The following GPATCH1 variants were observed in gnomAD, a reference collection of about 807,000 sequenced individuals.
The protein encoded by GPATCH1 is G-patch domain containing 1, also known as G patch domain-containing protein 1.
GPATCH1 carries 73 observed loss-of-function variants against 114.9 expected under a neutral mutation model. That is an observed-to-expected ratio of 0.64 (90% confidence interval 0.53 to 0.77). The LOEUF (loss-of-function observed/expected upper bound fraction) is 0.77. Ranked by LOEUF, GPATCH1 falls within the 30% of genes least tolerant of loss-of-function variation. GPATCH1 has a pLI of 0.00. For synonymous variants in GPATCH1, 391 were observed against 428.4 expected (o/e 0.91, Z 1.08); for missense variants, 1,058 against 1,144.3 (o/e 0.92, Z 1.09).
intron 7 of GPATCH1, 96 bp downstream of exon 7, chr19:33,096,542 T>C: frequency 1.9e-6 from 2 of 1,044,658 alleles, no homozygotes; most frequent in Admixed American, 3.0e-5. Context: ...TTTCTTTTTT[T>C]TTCCCCCTAA....
Position 33,113,884 on chromosome 19 carries a change from A to C in GPATCH1, c.2010A>C (p.Ser670=), listed in dbSNP as rs778120943. The C allele has an allele frequency of 6.2e-6, 10 of 1,614,126 alleles. No homozygotes were observed. The highest frequency in any genetic ancestry group is 8.5e-6 in the Non-Finnish European group (10 of 1,179,986). The change falls in exon 14 of 20, where the codon TCA becomes TCC. Residue 670 remains serine (S), a synonymous_variant. Coordinates refer to ENST00000170564, the MANE Select transcript of GPATCH1 (RefSeq NM_018025.3). ...CTCAAGCATCAAGTGAAAAAGTATC[A>C]CAGCACCGAGGTCCCGACAGTGAGT... is the stretch of plus-strand genomic sequence containing the variant. The part of the protein sequence containing the change: ...PTTQASSEKV[S]QHRGPDKSRK...
intron 9 of GPATCH1, among the ~76,000 whole-genome samples, chr19:33,105,520 A>G (rs1187396322): frequency 6.6e-6 from 1 of 151,624 alleles, no homozygotes; most frequent in East Asian, 1.9e-4. Flanking sequence ...TACAGTTATT[A>G]TTATTATTAA....
chr19:33,083,900 C>T (rs1483553702), intron 1 of GPATCH1, among the ~76,000 whole-genome samples: 1 of 151,896 alleles, frequency 6.6e-6, no homozygotes, highest in Admixed American at 6.6e-5. Context: ...ACCTCTGCCT[C>T]CCAGGTTCAA....
At chr19:33,081,572 C>G (rs530758033) in intron 1 of GPATCH1, among the ~76,000 whole-genome samples, 8 of 151,912 alleles carry the variant, frequency 5.3e-5, no homozygotes, top group African/African-American at 1.9e-4. Context: ...CGAGAGAGGA[C>G]GTTTGAGCTC....
chr19:33,089,411 T>C (rs951404238), intron 2 of GPATCH1, among the ~76,000 whole-genome samples: 11 of 152,354 alleles, frequency 7.2e-5, no homozygotes, highest in Middle Eastern at 3.4e-3. Context: ...TGTACTTTTA[T>C]AAATGCCAAG....
chr19:33,113,732 G>A (rs751048451), intron 13 of GPATCH1, 35 bp from the exon 14 acceptor site: 53 of 1,604,482 alleles, frequency 3.3e-5, no homozygotes, highest in Non-Finnish European at 4.2e-5. Context: ...TGTCCTACTG[G>A]TTGTTACTAA....
At position 33,106,716 on chromosome 19, in the gene GPATCH1, C is replaced by G; in HGVS notation, c.1102C>G (p.Pro368Ala). Residue 368 changes from proline (P) to alanine (A), a missense_variant, in exon 10 of 20, where the codon CCA becomes GCA. Around this residue, in one of 3 missense-constraint regions of GPATCH1, gnomAD observed 893 missense variants for 977.4 expected, o/e 0.91. Coordinates refer to ENST00000170564, the MANE Select transcript of GPATCH1 (RefSeq NM_018025.3). ...TAAGATCTATCCACCTCCAGAGCTG[C>G]CAAGAGACTATCGACCAGTGCATTA... ...SKKIYPPPEL[P>A]RDYRPVHYFR... 1 of 1,613,710 alleles carries G rather than the reference C, an allele frequency of 6.2e-7. No individual in the cohort carries two copies. The highest frequency in any genetic ancestry group is 8.5e-7 in the Non-Finnish European group (1 of 1,179,850).
In GPATCH1 at chr19:33,114,243, T is replaced by G; in HGVS notation, c.2030-10T>G. The G allele has an allele frequency of 1.2e-6, 2 of 1,604,788 alleles. No individual in the cohort carries two copies. The highest frequency in any genetic ancestry group is 1.7e-6 in the Non-Finnish European group (2 of 1,175,166). ...AATGCTGGAGTTTATATCTATGTCC[T>G]GCCTTTCAGAATCAAGAAAACCATC... On this transcript the variant is annotated splice_polypyrimidine_tract_variant and intron_variant, in intron 14 of 19. Coordinates refer to ENST00000170564, the MANE Select transcript of GPATCH1 (RefSeq NM_018025.3).
At chr19:33,088,338 C>T in intron 2 of GPATCH1, 70 bp downstream of exon 2, 1 of 1,173,676 alleles carries the variant, frequency 8.5e-7, no homozygotes, top group Non-Finnish European at 1.2e-6. Context: ...CTCCCTCACC[C>T]TTGCTTTTTT....
intron 19 of GPATCH1, among the ~76,000 whole-genome samples, chr19:33,129,194 C>T (rs1489906298): frequency 2.0e-5 from 3 of 151,750 alleles, no homozygotes; most frequent in African/African-American, 7.3e-5. Context: ...TTGCAGTGAA[C>T]CGAGATCGCG....
At chr19:33,109,688 C>T (rs1295701061) in intron 10 of GPATCH1, 29 bp from the exon 11 acceptor site, 1 of 1,436,954 alleles carries the variant, frequency 7.0e-7, no homozygotes, top group Non-Finnish European at 9.4e-7. Flanking sequence ...TGGCTCTTTT[C>T]ATCTCTTCTA....
chr19:33,117,449 C>A (rs745697197), intron 15 of GPATCH1, among the ~76,000 whole-genome samples: 8 of 152,102 alleles, frequency 5.3e-5, no homozygotes, highest in Non-Finnish European at 1.0e-4. Flanking sequence ...ACGCCCACCA[C>A]CATGCCCAGC....
chr19:33,113,981 A>G, intron 14 of GPATCH1, 78 bp downstream of exon 14: 1 of 1,306,270 alleles, frequency 7.7e-7, no homozygotes. Context: ...ATTAAAGGGT[A>G]GTTTAGTCCT....
intron 17 of GPATCH1, among the ~76,000 whole-genome samples, chr19:33,121,044 TA>T (rs1258511522): frequency 1.3e-5 from 2 of 151,370 alleles, no homozygotes; most frequent in East Asian, 3.9e-4. Context: ...AAAGAGAAAT[TA>T]AAAAAATAGT....
chr19:33,129,268 A>G (rs2145346093), intron 19 of GPATCH1, among the ~76,000 whole-genome samples: 1 of 151,884 alleles, frequency 6.6e-6, no homozygotes, highest in South Asian at 2.1e-4. Flanking sequence ...AAAGAAATTC[A>G]GATTTAAGAC....
intron 1 of GPATCH1, among the ~76,000 whole-genome samples, chr19:33,082,295 G>A (rs1005326703): frequency 4.6e-5 from 7 of 152,182 alleles, no homozygotes. Context: ...TATGTATTGA[G>A]TGTCCAGTAA....
chr19:33,093,591 G>A, intron 4 of GPATCH1, 72 bp downstream of exon 4: 1 of 1,368,140 alleles, frequency 7.3e-7, no homozygotes, highest in South Asian at 1.3e-5. Flanking sequence ...CTTGCTGAGG[G>A]ATAGTTTGAT....
At chr19:33,119,939 T>A (rs1178230727) in intron 17 of GPATCH1, among the ~76,000 whole-genome samples, 2 of 144,918 alleles carry the variant, frequency 1.4e-5, no homozygotes, top group South Asian at 2.1e-4. Context: ...TTATATATAT[T>A]TTTATATTTT....
At position 33,120,090 on chromosome 19, in the gene GPATCH1, TTAAAA is replaced by T. The variant is rs1271350616; in HGVS notation, c.2521+978_2521+982del. On this transcript the variant is annotated intron_variant, in intron 17 of 19. Transcript: ENST00000170564. ...ATATATAAAATATAAATTTAAATATTTAAAATAAATATATTTTAACTTAATTTAAA... is the reference window on the plus strand; with the variant it reads ...ATATATAAAATATAAATTTAAATATTTAAATATATTTTAACTTAATTTAAA... Among the ~76,000 whole-genome samples, 831 of 140,092 alleles carry T rather than the reference TTAAAA, an allele frequency of 5.9e-3. 6 individuals carry two copies. Among genetic ancestry groups the T allele is most frequent in the African/African-American group, 0.021 (792 of 38,246 alleles). 91.9% of individuals were successfully genotyped at this position (140,092 alleles called of 152,430 possible).
Sources: gnomAD v4.1 joint callset for allele counts (sites outside exome capture counted in the v4.1 genomes callset) on GRCh38, gnomAD v4.1.1 for gene constraint, gnomAD v4.1.1 regional missense constraint, MANE v1.5 for transcripts, NCBI Gene and HGNC (gene_info 2026-07-23, HGNC 2026-07-21) for gene names.